The following C1QTNF9 variants were observed in gnomAD, a reference collection of about 807,000 sequenced individuals.
C1QTNF9 encodes complement C1q and tumor necrosis factor-related protein 9A.
Under a neutral mutation model 10.1 loss-of-function variants are expected in C1QTNF9, and 6 were observed. That is an observed-to-expected ratio of 0.59 (90% CI 0.32 to 1.17). The LOEUF (loss-of-function observed/expected upper bound fraction) is 1.17. Ranked by LOEUF, C1QTNF9 falls within the 50% of genes most tolerant of loss-of-function variation. C1QTNF9 has a pLI of 0.04. For missense variants in C1QTNF9, 201 were observed against 418.8 expected (o/e 0.48, Z 4.54); for synonymous variants, 98 against 163.5 (o/e 0.60, Z 3.06).
chr13:24,310,546 A>G (rs529643579), intron 1 of C1QTNF9, among the ~76,000 whole-genome samples: 1 of 152,122 alleles, frequency 6.6e-6, no homozygotes, highest in East Asian at 1.9e-4. Context: ...CAGGTTCATC[A>G]TATTCAGATT....
exon 4 of C1QTNF9, chr13:24,321,649 C>T (rs1365035816): frequency 2.5e-6 from 4 of 1,614,176 alleles, no homozygotes; most frequent in African/African-American, 2.7e-5. Context: ...TGTCCTGCAG[C>T]TGAAGCTCGG....
chr13:24,322,361 G>A, exon 4 of C1QTNF9: 1 of 152,280 alleles, frequency 6.6e-6, no homozygotes. Context: ...GCATGCATTA[G>A]CTATTTGTCC....
chr13:24,312,507 A>G (rs1347972493), intron 1 of C1QTNF9, among the ~76,000 whole-genome samples: 1 of 152,186 alleles, frequency 6.6e-6, no homozygotes, highest in Non-Finnish European at 1.5e-5. Flanking sequence ...TGAGGGTCCA[A>G]CCCATAGCTT....
intron 1 of C1QTNF9, among the ~76,000 whole-genome samples, chr13:24,315,168 T>G (rs1877978853): frequency 6.6e-6 from 1 of 152,168 alleles, no homozygotes; most frequent in South Asian, 2.1e-4. Context: ...TTTTAAAATC[T>G]TCCCAAACAG....
At position 24,311,853 on chromosome 13, in the gene C1QTNF9, G is replaced by C. The variant is rs1189103760; in HGVS notation, c.-23+2237G>C. ...TGCCCTCCTTCAAGGAGTCCCACAT[G>C]GTTCACCATGCCATGCACACCCCCC... On this transcript the variant is annotated intron_variant, in intron 1 of 3. Coordinates refer to ENST00000332018, the Ensembl canonical transcript of C1QTNF9. Among the ~76,000 whole-genome samples, 3 of 152,148 alleles carry C rather than the reference G, an allele frequency of 2.0e-5. No homozygotes were observed. The East Asian group carries it at 5.8e-4, about 29-fold the overall frequency.
At chr13:24,316,799 A>C (rs1046329457) in intron 2 of C1QTNF9, among the ~76,000 whole-genome samples, 1 of 152,202 alleles carries the variant, frequency 6.6e-6, no homozygotes, top group Non-Finnish European at 1.5e-5. Context: ...GAGAAGTCCG[A>C]GTGGTTTCCA....
intron 3 of C1QTNF9, among the ~76,000 whole-genome samples, chr13:24,319,943 G>C (rs1202099675): frequency 6.6e-6 from 1 of 152,144 alleles, no homozygotes; most frequent in East Asian, 1.9e-4. Context: ...GTGCATATGG[G>C]GACAGAATGG....
At chr13:24,314,812 CA>C (rs1429020127) in intron 1 of C1QTNF9, among the ~76,000 whole-genome samples, 18 of 151,910 alleles carry the variant, frequency 1.2e-4, no homozygotes, top group Admixed American at 9.8e-4. Flanking sequence ...GACTGTACTT[CA>C]GCCTGCGTGA....
intron 2 of C1QTNF9, among the ~76,000 whole-genome samples, chr13:24,316,850 T>C (rs1179288985): frequency 6.6e-6 from 1 of 152,182 alleles, no homozygotes; most frequent in Non-Finnish European, 1.5e-5. Flanking sequence ...TGGGGTACCA[T>C]TCTTGAGGCC....
At chr13:24,313,252 A>G (rs775574061) in intron 1 of C1QTNF9, among the ~76,000 whole-genome samples, 16 of 152,254 alleles carry the variant, frequency 1.1e-4, no homozygotes, top group African/African-American at 3.6e-4. Context: ...GACTCTACCT[A>G]CATCAAATAT....
intron 1 of C1QTNF9, among the ~76,000 whole-genome samples, chr13:24,312,414 C>G (rs1424566339): frequency 2.6e-5 from 4 of 152,064 alleles, no homozygotes; most frequent in African/African-American, 7.2e-5. Context: ...ACAGAAGAGG[C>G]TCCTAGCTCT....
chr13:24,320,979 G>C lies in C1QTNF9; in HGVS notation c.230-17G>C. On this transcript the variant is annotated splice_polypyrimidine_tract_variant and intron_variant, in intron 3 of 3. Coordinates refer to ENST00000332018, the Ensembl canonical transcript of C1QTNF9. ...TCTTTCACAAGCTATCTCTTTATTT[G>C]CTCTTTCTCTATTTAGGAGCAGATG... 6.3e-7 allele frequency: 1 copy of C among 1,576,876 alleles called. No individual in the cohort carries two copies. The highest frequency in any genetic ancestry group is 8.6e-7 in the Non-Finnish European group (1 of 1,164,028).
upstream of C1QTNF9, among the ~76,000 whole-genome samples, chr13:24,308,787 C>T (rs1257057554): frequency 1.3e-5 from 2 of 152,230 alleles, no homozygotes; most frequent in African/African-American, 4.8e-5. Flanking sequence ...GCTCCTGCTG[C>T]GTGCACTGCG....
chr13:24,315,627 A>C, intron 1 of C1QTNF9: 2 of 342,828 alleles, frequency 5.8e-6, no homozygotes, highest in East Asian at 4.6e-5. Flanking sequence ...TCGTGATAAA[A>C]TTTGATCTGT....
At chr13:24,311,831 C>G (rs1224380536) in intron 1 of C1QTNF9, among the ~76,000 whole-genome samples, 1 of 152,152 alleles carries the variant, frequency 6.6e-6, no homozygotes, top group Non-Finnish European at 1.5e-5. Flanking sequence ...AAATTGTTGC[C>G]CTCCTTCAAG....
At chr13:24,313,113 C>T (rs1229796272) in intron 1 of C1QTNF9, among the ~76,000 whole-genome samples, 1 of 152,098 alleles carries the variant, frequency 6.6e-6, no homozygotes, top group African/African-American at 2.4e-5. Context: ...TATAAACAAA[C>T]AAACAAACAA....
intron 2 of C1QTNF9, among the ~76,000 whole-genome samples, chr13:24,317,731 T>C (rs1212593923): frequency 6.6e-6 from 1 of 151,758 alleles, no homozygotes; most frequent in Non-Finnish European, 1.5e-5. Flanking sequence ...TTGTGAGTTG[T>C]GGTTGCGTGA....
At chr13:24,311,696 A>G (rs1877828329) in intron 1 of C1QTNF9, among the ~76,000 whole-genome samples, 1 of 152,210 alleles carries the variant, frequency 6.6e-6, no homozygotes, top group Non-Finnish European at 1.5e-5. Context: ...GCTGTGTGTC[A>G]AGACCCCAAA....
chr13:24,308,191 G>A (rs1316056688), upstream of C1QTNF9, among the ~76,000 whole-genome samples: 1 of 152,248 alleles, frequency 6.6e-6, no homozygotes, highest in African/African-American at 2.4e-5. Flanking sequence ...AGGCCGGCAG[G>A]CTGCCCAGGT....
Sources: gnomAD v4.1 joint callset for allele counts (sites outside exome capture counted in the v4.1 genomes callset) on GRCh38, gnomAD v4.1.1 for gene constraint, MANE v1.5 for transcripts, NCBI Gene and HGNC (gene_info 2026-07-23, HGNC 2026-07-21) for gene names.